Variants in RIMS2 observed in about 807,000 individuals in gnomAD.
RIMS2 encodes the protein regulating synaptic membrane exocytosis protein 2.
Under a neutral mutation model 174.4 loss-of-function variants are expected in RIMS2, and 59 were observed. The observed-to-expected ratio is 0.34, with a 90% CI of 0.27 to 0.42. The LOEUF (loss-of-function observed/expected upper bound fraction) is 0.42. RIMS2 is among the 10% of genes least tolerant of loss of function. RIMS2 has a pLI of 1.00. For missense variants in RIMS2, 1,620 were observed against 1,666.3 expected (o/e 0.97, Z 0.48); for synonymous variants, 606 against 572.5 (o/e 1.06, Z -0.84).
intron 1 of RIMS2, among the ~76,000 whole-genome samples, chr8:103,625,053 T>C (rs1465195530): frequency 6.6e-6 from 1 of 152,198 alleles, no homozygotes; most frequent in East Asian, 1.9e-4. Flanking sequence ...AAGTTTTGTT[T>C]CTTACTTCAA....
At chr8:103,507,706 A>T (rs914275631) in intron 1 of RIMS2, among the ~76,000 whole-genome samples, 22 of 152,078 alleles carry the variant, frequency 1.4e-4, no homozygotes, top group African/African-American at 4.8e-4. Flanking sequence ...ATCTTTTTTG[A>T]CTAGAAACTA....
At chr8:104,127,230 T>C (rs992083757) in intron 19 of RIMS2, among the ~76,000 whole-genome samples, 26 of 152,164 alleles carry the variant, frequency 1.7e-4, no homozygotes, top group African/African-American at 6.0e-4. Flanking sequence ...ATTATCTTAT[T>C]CTAAAAGAAA....
intron 3 of RIMS2, among the ~76,000 whole-genome samples, chr8:103,836,540 T>C (rs2154483434): frequency 6.6e-6 from 1 of 152,292 alleles, no homozygotes; most frequent in Non-Finnish European, 1.5e-5. Flanking sequence ...CACTTTAGCT[T>C]GAGTGGCAGA....
chr8:104,222,773 G>T (rs1309907625), intron 19 of RIMS2, among the ~76,000 whole-genome samples: 1 of 152,176 alleles, frequency 6.6e-6, no homozygotes, highest in Non-Finnish European at 1.5e-5. Context: ...GTCATTCTTA[G>T]CCATACTGGG....
chr8:103,803,842 G>A lies in RIMS2; in HGVS notation c.698+37305G>A, dbSNP rs546462316. 1.2e-3 allele frequency among the ~76,000 whole-genome samples: 189 copies of A among 152,260 alleles called. 1 individual carries two copies. The highest frequency in any genetic ancestry group is 1.7e-3 in the Non-Finnish European group (117 of 68,030). On this transcript the variant is annotated intron_variant, in intron 3 of 23. Coordinates refer to ENST00000504942, the Ensembl canonical transcript of RIMS2. The stretch of plus-strand genomic sequence containing the variant: ...CATCTCTGTCAGCAGGTGAGAAAGT[G>A]AGGACCTAAGTCTTTGAGCCACAAG...
chr8:103,969,766 T>C (rs2092636424), intron 15 of RIMS2, among the ~76,000 whole-genome samples: 1 of 152,172 alleles, frequency 6.6e-6, no homozygotes, highest in African/African-American at 2.4e-5. Flanking sequence ...TCTTTTTTTT[T>C]AGACAGGGAC....
At chr8:103,931,198 A>G (rs1257651260) in intron 11 of RIMS2, 65 bp from the exon 14 acceptor site, 1 of 1,233,206 alleles carries the variant, frequency 8.1e-7, no homozygotes, top group African/African-American at 1.5e-5. Context: ...TGAAGATTGG[A>G]AAAGTAAACA....
intron 19 of RIMS2, among the ~76,000 whole-genome samples, chr8:104,048,729 TTTC>T (rs1339970292): frequency 6.6e-6 from 1 of 152,170 alleles, no homozygotes. Flanking sequence ...TAGAAACACA[TTTC>T]TTTTTTTGTA....
intron 2 of RIMS2, among the ~76,000 whole-genome samples, chr8:103,756,131 T>G (rs1055173016): frequency 6.6e-6 from 1 of 152,178 alleles, no homozygotes; most frequent in Non-Finnish European, 1.5e-5. Context: ...TCCTTTTTGT[T>G]GATGTTGATG....
chr8:103,925,878 A>C (rs2078673807), intron 10 of RIMS2, among the ~76,000 whole-genome samples: 1 of 151,594 alleles, frequency 6.6e-6, no homozygotes, highest in South Asian at 2.1e-4. Context: ...TGAATTGTAT[A>C]CTTTAAAATA....
At chr8:103,695,776 C>T (rs1394368750) in intron 1 of RIMS2, among the ~76,000 whole-genome samples, 1 of 151,614 alleles carries the variant, frequency 6.6e-6, no homozygotes, top group Admixed American at 6.6e-5. Flanking sequence ...GACATCACTC[C>T]AAAGCTTTCC....
intron 21 of RIMS2, 103 bp downstream of exon 27, chr8:104,248,916 C>CTCTCTTT (rs773054313): frequency 3.7e-6 from 2 of 540,946 alleles, no homozygotes; most frequent in African/African-American, 6.4e-5. Context: ...TCTCTCTTTC[C>CTCTCTTT]CTCTCTCTCT....
At chr8:103,611,743 C>T (rs1474201784) in intron 1 of RIMS2, among the ~76,000 whole-genome samples, 2 of 151,764 alleles carry the variant, frequency 1.3e-5, no homozygotes, top group Non-Finnish European at 2.9e-5. Context: ...ATTTAAATGC[C>T]TTGACATCGT....
intron 1 of RIMS2, chr8:103,568,970 G>C (rs746189039): frequency 1.6e-6 from 1 of 637,666 alleles, no homozygotes; most frequent in Non-Finnish European, 2.8e-6. Context: ...ACAGCTGCAT[G>C]AGCTGATCAC....
intron 3 of RIMS2, among the ~76,000 whole-genome samples, chr8:103,841,783 T>C (rs2098941178): frequency 2.0e-5 from 3 of 152,006 alleles, no homozygotes; most frequent in African/African-American, 7.2e-5. Context: ...GACGAAACTC[T>C]GTCTCTACTA....
At chr8:103,513,798 C>T (rs1827715630) in intron 1 of RIMS2, among the ~76,000 whole-genome samples, 1 of 152,008 alleles carries the variant, frequency 6.6e-6, no homozygotes, top group African/African-American at 2.4e-5. Flanking sequence ...ACCATTATCA[C>T]CAGCTATTTA....
intron 4 of RIMS2, among the ~76,000 whole-genome samples, chr8:103,899,932 A>G (rs561350662): frequency 4.7e-4 from 71 of 151,642 alleles, no homozygotes; most frequent in Non-Finnish European, 9.1e-4. Flanking sequence ...TCAGCTTTCT[A>G]CCTATGGCTA....
Position 103,783,477 on chromosome 8 carries a change from G to T in RIMS2, c.698+16940G>T, listed in dbSNP as rs1298169367. 2.7e-5 allele frequency among the ~76,000 whole-genome samples: 4 copies of T among 148,516 alleles called. No homozygotes were observed. In the East Asian group the frequency reaches 8.0e-4, roughly 30 times the overall value. On this transcript the variant is annotated intron_variant, in intron 3 of 23. Transcript: ENST00000504942. ...GATATTCCCCTTCATGTGTCCATGT[G>T]ATCTCATTGTTCAATTCCCACCTAT...
chr8:103,859,913 A>T (rs569043818), intron 3 of RIMS2, among the ~76,000 whole-genome samples: 1 of 152,112 alleles, frequency 6.6e-6, no homozygotes, highest in Admixed American at 6.6e-5. Context: ...TTTCTTTAGG[A>T]ACTCAGTGGA....
Sources: allele counts gnomAD v4.1 joint callset (sites outside exome capture counted in the v4.1 genomes callset), GRCh38; gene constraint gnomAD v4.1.1; transcripts MANE v1.5; gene names NCBI Gene and HGNC (gene_info 2026-07-23, HGNC 2026-07-21).